Variants in ARHGEF1 observed in about 807,000 individuals in gnomAD.
The protein encoded by ARHGEF1 is 115 kDa guanine nucleotide exchange factor.
ARHGEF1 carries 40 observed loss-of-function variants against 119.7 expected under a neutral mutation model. That is an observed-to-expected ratio of 0.33 (90% CI 0.26 to 0.44). ARHGEF1 has a LOEUF of 0.44. Ranked by LOEUF, ARHGEF1 falls within the 20% of genes least tolerant of loss-of-function variation. The pLI is 1.00. For missense variants in ARHGEF1, 976 were observed against 1,268.3 expected, an observed-to-expected ratio of 0.77 and a Z score of 3.50; for synonymous variants, 494 against 521.0, an observed-to-expected ratio of 0.95 and a Z score of 0.71.
chr19:41,904,031 C>G lies in ARHGEF1; in HGVS notation c.1918-4C>G, dbSNP rs1555849581. The stretch of plus-strand genomic sequence containing the variant: ...GCACAAACCATCACCCCCTCCTGCC[C>G]CAGAACCTGGACATCACCAAGAAGA... On this transcript the variant is annotated splice_polypyrimidine_tract_variant and splice_region_variant and intron_variant, in intron 20 of 28. Coordinates refer to ENST00000354532, the MANE Select transcript of ARHGEF1 (RefSeq NM_004706.4). This position sits in a 1 kb window ranked among gnomAD's most constrained non-coding sequence, Gnocchi z 8.4. 1.9e-6 allele frequency: 3 copies of G among 1,614,086 alleles called. No individual in the cohort carries two copies. The South Asian group carries it at 3.3e-5, about 18-fold the overall frequency.
Position 41,903,111 on chromosome 19 carries a change from G to A in ARHGEF1, c.1739-196G>A, listed in dbSNP as rs146942633. 2.5e-3 allele frequency among the ~76,000 whole-genome samples: 374 copies of A among 151,502 alleles called. No homozygotes were observed. Among genetic ancestry groups the A allele is most frequent in the African/African-American group, 8.4e-3 (347 of 41,256 alleles). On this transcript the variant is annotated intron_variant, in intron 18 of 28. Coordinates refer to ENST00000354532, the MANE Select transcript of ARHGEF1 (RefSeq NM_004706.4). The surrounding 1 kb of genome is among the most constrained non-coding windows in gnomAD (Gnocchi z 4.2). Reference sequence around the variant, plus strand: ...TTTTTTAGTTTTTTTTTTTAGAGACGGGGTCTCGCCATGTTGCCCAGGCTG... The same window carrying A: ...TTTTTTAGTTTTTTTTTTTAGAGACAGGGTCTCGCCATGTTGCCCAGGCTG...
intron 12 of ARHGEF1, 119 bp from the exon 13 acceptor site, chr19:41,896,258 A>C (rs1287367322): frequency 2.0e-6 from 1 of 488,288 alleles, no homozygotes; most frequent in African/African-American, 2.0e-5. Context: ...AGTACAGAGC[A>C]GCCATGTGGT....
chr19:41,894,411 A>G (rs782408918), intron 9 of ARHGEF1, 40 bp from the exon 10 acceptor site: 1 of 1,529,566 alleles, frequency 6.5e-7, no homozygotes, highest in Non-Finnish European at 8.8e-7. Context: ...TTGTTGTCTC[A>G]GAGATGCTTA....
rs1466546859 is a variant in ARHGEF1 at position 41,902,880 on chromosome 19, A to T, written c.1720A>T (p.Ser574Cys). The T allele has an allele frequency of 6.2e-7, 1 of 1,610,690 alleles. No homozygotes were observed. Among genetic ancestry groups the T allele is most frequent in the East Asian group, 2.2e-5 (1 of 44,834 alleles). ...GACCAAGTACCCCCTGCTCCTGCAG[A>T]GCATCGGGCAGAACACAGGTACCGC... ...RLTKYPLLLQ[S>C]IGQNTEEPTE... The change falls in exon 18 of 29, where the codon AGC (serine) becomes TGC (cysteine). Residue 574 changes from serine to cysteine, a missense_variant. Around this residue, in one of 3 missense-constraint regions of ARHGEF1, gnomAD observed 286 missense variants for 506.8 expected, o/e 0.56. Transcript: ENST00000354532. This position sits in a 1 kb window ranked among gnomAD's most constrained non-coding sequence, Gnocchi z 6.5.
intron 7 of ARHGEF1, 155 bp from the exon 8 acceptor site, chr19:41,893,119 T>G (rs2074404668): frequency 8.9e-7 from 1 of 1,124,606 alleles, no homozygotes; most frequent in Admixed American, 2.6e-5. Flanking sequence ...CCTCCCTCCC[T>G]CTTATGACAG....
chr19:41,898,983 TTTTA>T (rs1485618060), intron 14 of ARHGEF1, among the ~76,000 whole-genome samples: 1 of 152,144 alleles, frequency 6.6e-6, no homozygotes, highest in Non-Finnish European at 1.5e-5. Context: ...GAGCATTTTA[TTTTA>T]TTTATTTTTT....
chr19:41,927,216 G>A (rs1414644823), intron 1 of ARHGEF1, among the ~76,000 whole-genome samples: 1 of 152,114 alleles, frequency 6.6e-6, no homozygotes, highest in Non-Finnish European at 1.5e-5. Flanking sequence ...AACAGAAGTG[G>A]CCCAGCAGGG....
intron 12 of ARHGEF1, among the ~76,000 whole-genome samples, chr19:41,896,037 G>A (rs1258403860): frequency 6.6e-6 from 1 of 152,216 alleles, no homozygotes; most frequent in Non-Finnish European, 1.5e-5. Context: ...GAGGATGAAT[G>A]GACGTGGAGG....
At chr19:41,890,947 C>A (rs1271126872) in intron 4 of ARHGEF1, among the ~76,000 whole-genome samples, 2 of 152,020 alleles carry the variant, frequency 1.3e-5, no homozygotes, top group Non-Finnish European at 2.9e-5. Context: ...AGAAAAAGTC[C>A]CACTCCCATT....
chr19:41,913,752 C>T (rs1337526551), intron 18 of ARHGEF1, among the ~76,000 whole-genome samples: 2 of 150,800 alleles, frequency 1.3e-5, no homozygotes, highest in Non-Finnish European at 3.0e-5. Context: ...TCCATCCCCT[C>T]CTCACTCCAG....
rs2123378526 is a variant in ARHGEF1, at chr19:41,889,009, G to A, written c.225+144G>A. On this transcript the variant is annotated intron_variant, in intron 4 of 28. Coordinates refer to ENST00000354532, the MANE Select transcript of ARHGEF1 (RefSeq NM_004706.4). This position sits in a 1 kb window ranked among gnomAD's most constrained non-coding sequence, Gnocchi z 4.0. ...AGAGCCAGATCTAGAAAGAGAGAATGCTTTAGACAAGAGCCAGAAAGCATG... is the reference window on the plus strand; with the variant it reads ...AGAGCCAGATCTAGAAAGAGAGAATACTTTAGACAAGAGCCAGAAAGCATG... 1.4e-6 allele frequency: 1 copy of A among 703,092 alleles called. No homozygotes were observed. The highest frequency in any genetic ancestry group is 2.8e-5 in the East Asian group (1 of 36,320). The allele number at this position is 703,092 out of a possible 1,614,324, so 43.6% of individuals were successfully genotyped here.
chr19:41,905,905 AG>A lies in ARHGEF1; in HGVS notation c.2405-32del, dbSNP rs782136514. 1.2e-6 allele frequency: 2 copies of A among 1,613,612 alleles called. No individual in the cohort carries two copies. Among genetic ancestry groups the A allele is most frequent in the Non-Finnish European group, 1.7e-6 (2 of 1,179,536 alleles). ...GAGAGGCATCCACAGGAGGCCCGGC[AG>A]GATCTGAGCTCCCTCTCTGTTCCCC... is the stretch of plus-strand genomic sequence containing the variant. On this transcript the variant is annotated intron_variant, in intron 25 of 28. Coordinates refer to ENST00000354532, the MANE Select transcript of ARHGEF1 (RefSeq NM_004706.4). This position sits in a 1 kb window ranked among gnomAD's most constrained non-coding sequence, Gnocchi z 6.4.
At chr19:41,910,085 G>A (rs1261463188), downstream of ARHGEF1, 11 of 1,612,620 alleles carry the variant, frequency 6.8e-6, no homozygotes, top group African/African-American at 5.3e-5. The surrounding 1 kb of genome is among the most constrained non-coding windows in gnomAD (Gnocchi z 4.4). Context: ...GGCCCAATCC[G>A]GGAAGGCAAA....
intron 14 of ARHGEF1, 31 bp from the exon 15 acceptor site, chr19:41,901,856 C>T: frequency 6.2e-7 from 1 of 1,601,654 alleles, no homozygotes; most frequent in Non-Finnish European, 8.5e-7. Context: ...GCACCCTCCC[C>T]AACATGCTTC....
intron 18 of ARHGEF1, among the ~76,000 whole-genome samples, chr19:41,915,888 C>T (rs1555851916): frequency 1.3e-5 from 2 of 152,196 alleles, no homozygotes; most frequent in Non-Finnish European, 2.9e-5. Context: ...GGACAAACGG[C>T]CCCAGCCCCA....
In ARHGEF1 at chr19:41,902,596, T is replaced by C; in HGVS notation, c.1561T>C (p.Phe521Leu). Residue 521 changes from phenylalanine to leucine, a missense_variant, in exon 17 of 29, where the codon TTT (phenylalanine) becomes CTT (leucine). By Grantham distance (22) the Phe-to-Leu change is conservative. Transcript: ENST00000354532. This position sits in a 1 kb window ranked among gnomAD's most constrained non-coding sequence, Gnocchi z 6.5. Reference protein sequence around the residue: ...ISSRFCSRQSFALEQLKAKQR... With the variant: ...ISSRFCSRQSLALEQLKAKQR... ...CTCCCGCTTCTGCAGCCGCCAGTCA[T>C]TTGCCTTAGAGCAGCTCAAAGCCAA... is the stretch of plus-strand genomic sequence containing the variant. 2 of 1,614,172 alleles carry C rather than the reference T, an allele frequency of 1.2e-6. No homozygotes were observed.
rs1389962898 is a variant in ARHGEF1 at position 41,893,371 on chromosome 19, C to T, written c.644+68C>T. 6,269 of 1,353,642 alleles carry T rather than the reference C, an allele frequency of 4.6e-3. 156 individuals carry two copies. In the East Asian group the frequency reaches 0.074, roughly 16 times the overall value. 83.9% of individuals were successfully genotyped at this position (1,353,642 alleles called of 1,614,324 possible). The stretch of plus-strand genomic sequence containing the variant: ...GAGGAGGGGGCTGAGGGCCTGGACT[C>T]CTGGGTCTGAGGGAGGAGGAGGCTG... On this transcript the variant is annotated intron_variant, in intron 8 of 28. Transcript: ENST00000354532.
Position 41,899,243 on chromosome 19 carries a change from C to G in ARHGEF1, c.1267+656C>G, listed in dbSNP as rs146906607. On this transcript the variant is annotated intron_variant, in intron 14 of 28. Transcript: ENST00000354532. The stretch of plus-strand genomic sequence containing the variant: ...GGCTCAAGTGATCCTCCTACCTCAG[C>G]CTCCCAAAGTCTTGGGATTACAAGT... Among the ~76,000 whole-genome samples, 281 of 152,162 alleles carry G rather than the reference C, an allele frequency of 1.8e-3. 1 individual carries two copies. Among genetic ancestry groups the G allele is most frequent in the African/African-American group, 6.5e-3 (268 of 41,522 alleles).
chr19:41,888,201 G>T lies in ARHGEF1; in HGVS notation c.34G>T (p.Gly12Cys). 2 of 1,614,156 alleles carry T rather than the reference G, an allele frequency of 1.2e-6. No homozygotes were observed. Among genetic ancestry groups the T allele is most frequent in the Non-Finnish European group, 1.7e-6 (2 of 1,180,012 alleles). Reference protein sequence around the residue: ...EDFARGAASPGPSRPGLVPVS... With the variant: ...EDFARGAASPCPSRPGLVPVS... ...CCCTCCCTTTCCACAGGCCTCCCCA[G>T]GCCCCTCCCGGCCTGGCCTGGTTCC... Residue 12 changes from glycine (G) to cysteine (C), a missense_variant, in exon 3 of 29, where the codon GGC (glycine) becomes TGC (cysteine). By Grantham distance (159) the Gly-to-Cys change is radical (BLOSUM62 -3). This residue lies in a region of ARHGEF1 where 519 missense variants were observed against 580.9 expected (regional missense o/e 0.89). Transcript: ENST00000354532. This position sits in a 1 kb window ranked among gnomAD's most constrained non-coding sequence, Gnocchi z 5.1.
Sources: allele counts gnomAD v4.1 joint callset (sites outside exome capture counted in the v4.1 genomes callset), GRCh38; gene constraint gnomAD v4.1.1; regional missense constraint gnomAD v4.1.1; non-coding constraint Gnocchi (gnomAD v3.1); transcripts MANE v1.5; gene names NCBI Gene and HGNC (gene_info 2026-07-23, HGNC 2026-07-21).